Variants in EEFSEC observed in about 807,000 individuals in gnomAD.
EEFSEC encodes selenocysteine-specific elongation factor.
A neutral mutation model predicts 42.1 loss-of-function variants in EEFSEC; 43 were observed. The observed-to-expected ratio is 1.02, with a 90% CI of 0.80 to 1.32. The LOEUF (loss-of-function observed/expected upper bound fraction) is 1.32, where lower values mean the gene tolerates loss of function less well. Ranked by LOEUF, EEFSEC falls within the 40% of genes most tolerant of loss-of-function variation. The pLI, the probability that EEFSEC is intolerant of heterozygous loss-of-function variation, is 0.00. For missense variants in EEFSEC, 745 were observed against 803.6 expected (o/e 0.93, Z 0.88); for synonymous variants, 354 against 339.1 (o/e 1.04, Z -0.48).
intron 4 of EEFSEC, among the ~76,000 whole-genome samples, chr3:128,294,307 T>C (rs1402447580): frequency 6.6e-6 from 1 of 152,182 alleles, no homozygotes; most frequent in Non-Finnish European, 1.5e-5. Flanking sequence ...GCTGACCCTG[T>C]TAGGGGCTGA....
intron 1 of EEFSEC, among the ~76,000 whole-genome samples, chr3:128,234,399 T>C (rs1465765760): frequency 6.6e-6 from 1 of 152,182 alleles, no homozygotes; most frequent in African/African-American, 2.4e-5. Context: ...ATTTCAAACT[T>C]AGAGAAAGGC....
chr3:128,388,263 C>A (rs1035927691), intron 6 of EEFSEC, among the ~76,000 whole-genome samples: 2 of 152,218 alleles, frequency 1.3e-5, no homozygotes, highest in Non-Finnish European at 2.9e-5. Context: ...GCCTCTTGCC[C>A]CCGCCTCCAC....
At chr3:128,327,051 C>T (rs113713342) in intron 4 of EEFSEC, among the ~76,000 whole-genome samples, 31 of 152,328 alleles carry the variant, frequency 2.0e-4, no homozygotes, top group African/African-American at 6.5e-4. Flanking sequence ...GAGACCTTGC[C>T]TCATCACTAC....
chr3:128,400,477 A>G (rs1349830548), intron 6 of EEFSEC, among the ~76,000 whole-genome samples: 5 of 152,162 alleles, frequency 3.3e-5, no homozygotes, highest in African/African-American at 9.7e-5. Context: ...GCTGTCAGTC[A>G]TCACCAGGAT....
chr3:128,245,545 T>C (rs1277539539), intron 1 of EEFSEC, among the ~76,000 whole-genome samples: 1 of 152,132 alleles, frequency 6.6e-6, no homozygotes, highest in Non-Finnish European at 1.5e-5. Context: ...GGTTGGGGCA[T>C]GCCTAGGTCT....
At chr3:128,420,929 G>A in the EEFSEC span, among the ~76,000 whole-genome samples, 4 of 152,240 alleles carry the variant, frequency 2.6e-5, no homozygotes, top group South Asian at 2.1e-4. Flanking sequence ...ACCTGTCCGG[G>A]ACCTGCCATC....
At chr3:128,417,471 G>A in the EEFSEC span, among the ~76,000 whole-genome samples, 1 of 151,914 alleles carries the variant, frequency 6.6e-6, no homozygotes, top group African/African-American at 2.4e-5. The surrounding 1 kb of genome is among the most constrained non-coding windows in gnomAD (Gnocchi z 4.3). Context: ...CCCCAGCCCC[G>A]CAGTAAAAAT....
chr3:128,412,602 G>A (rs774041085), downstream of EEFSEC, among the ~76,000 whole-genome samples: 7 of 152,260 alleles, frequency 4.6e-5, no homozygotes, highest in Non-Finnish European at 7.3e-5. Context: ...GCTGGGGCCC[G>A]TGTGCCTGCT....
chr3:128,391,726 C>T (rs1380047743), intron 6 of EEFSEC, among the ~76,000 whole-genome samples: 2 of 152,262 alleles, frequency 1.3e-5, no homozygotes, highest in East Asian at 1.9e-4. Flanking sequence ...GTGGGTCTTG[C>T]ACCCCCTGGA....
chr3:128,305,293 A>G (rs1040001677), intron 4 of EEFSEC, among the ~76,000 whole-genome samples: 2 of 152,124 alleles, frequency 1.3e-5, no homozygotes, highest in African/African-American at 4.8e-5. Context: ...AATAATATTT[A>G]TATTATTCTT....
rs1356476692 is a variant in EEFSEC, at chr3:128,364,321, G to A, written c.1600+5948G>A. ...ACAGTCAGCATGGCAAGTGGCCACT[G>A]GGACGTGTGGCTGGGAATGGGGGAA... On this transcript the variant is annotated intron_variant, in intron 6 of 6. Coordinates refer to ENST00000254730, the MANE Select transcript of EEFSEC (RefSeq NM_021937.5). Among the ~76,000 whole-genome samples the A allele has an allele frequency of 2.0e-5, 3 of 152,188 alleles. No individual in the cohort carries two copies. In the East Asian group the frequency reaches 5.8e-4, roughly 29 times the overall value.
chr3:128,296,827 G>C (rs888286215), intron 4 of EEFSEC, among the ~76,000 whole-genome samples: 2 of 152,348 alleles, frequency 1.3e-5, no homozygotes, highest in East Asian at 3.9e-4. Flanking sequence ...AGTACTCTGC[G>C]TGTGTTGGCC....
chr3:128,348,298 G>A (rs1482201148), intron 5 of EEFSEC, among the ~76,000 whole-genome samples: 1 of 151,592 alleles, frequency 6.6e-6, no homozygotes, highest in Admixed American at 6.6e-5. Context: ...GTGTGCGTGT[G>A]TGTGTGTGTG....
At chr3:128,273,488 T>C (rs1411792935) in intron 4 of EEFSEC, among the ~76,000 whole-genome samples, 1 of 152,178 alleles carries the variant, frequency 6.6e-6, no homozygotes, top group Non-Finnish European at 1.5e-5. Flanking sequence ...GCTTGGAGCT[T>C]GTTCTTAACC....
chr3:128,321,403 A>G (rs1439006362), intron 4 of EEFSEC, among the ~76,000 whole-genome samples: 1 of 152,148 alleles, frequency 6.6e-6, no homozygotes, highest in Non-Finnish European at 1.5e-5. Flanking sequence ...GGGCAGCCAC[A>G]GTGGGTGGAG....
chr3:128,300,789 T>A (rs1208086111), intron 4 of EEFSEC, among the ~76,000 whole-genome samples: 1 of 152,206 alleles, frequency 6.6e-6, no homozygotes. Context: ...CAGTACCTTT[T>A]TCCCAGAAGT....
At chr3:128,406,311 A>G (rs6766429) in intron 6 of EEFSEC, among the ~76,000 whole-genome samples, 2,224 of 152,264 alleles carry the variant, frequency 0.015, 52 homozygotes, top group African/African-American at 0.05. Flanking sequence ...CTCAAAACCC[A>G]AACTCATAGA....
chr3:128,204,757 G>C (rs1298402705), intron 1 of EEFSEC, among the ~76,000 whole-genome samples: 1 of 152,040 alleles, frequency 6.6e-6, no homozygotes, highest in Middle Eastern at 3.2e-3. Flanking sequence ...GTGCTGAGCA[G>C]TCTGTGCGTC....
At chr3:128,320,754 G>A (rs550614056) in intron 4 of EEFSEC, among the ~76,000 whole-genome samples, 2 of 152,336 alleles carry the variant, frequency 1.3e-5, no homozygotes, top group African/African-American at 4.8e-5. Flanking sequence ...AAACAAGCAA[G>A]GCGGTAGCCA....
Sources: allele counts gnomAD v4.1 joint callset (sites outside exome capture counted in the v4.1 genomes callset), GRCh38; gene constraint gnomAD v4.1.1; non-coding constraint Gnocchi (gnomAD v3.1); transcripts MANE v1.5; gene names NCBI Gene and HGNC (gene_info 2026-07-23, HGNC 2026-07-21).